IL1RAPL2: variants seen among roughly 807,000 people sequenced by gnomAD.
IL1RAPL2 encodes interleukin 1 receptor accessory protein like 2, also known as X-linked interleukin-1 receptor accessory protein-like 2.
In IL1RAPL2, 3 loss-of-function variants were observed where a neutral mutation model predicts 44.1. The observed-to-expected ratio is 0.07, with a 90% CI of 0.03 to 0.18. The LOEUF is 0.18. IL1RAPL2 is among the 10% of genes least tolerant of loss of function. The probability of loss-of-function intolerance (pLI) is 1.00; values close to 1 mark genes in which losing one functional copy is unlikely to be tolerated. For synonymous variants in IL1RAPL2, 181 were observed against 178.8 expected (o/e 1.01, Z -0.10); for missense variants, 391 against 496.4 (o/e 0.79, Z 2.02).
intron 6 of IL1RAPL2, among the ~76,000 whole-genome samples, chrX:105,592,304 T>A (rs2037178096): frequency 1.8e-5 from 2 of 112,116 alleles, no homozygotes; most frequent in Non-Finnish European, 3.8e-5. Context: ...TCCTTTTACT[T>A]TGAGTCTATG....
At chrX:105,510,103 A>G (rs1252935072) in intron 6 of IL1RAPL2, among the ~76,000 whole-genome samples, 1 of 111,481 alleles carries the variant, frequency 9.0e-6, no homozygotes, top group African/African-American at 3.3e-5. Flanking sequence ...GCTTAAGCCC[A>G]GGAGTTTGAG....
At chrX:104,879,969 G>C (rs765217872) in intron 2 of IL1RAPL2, among the ~76,000 whole-genome samples, 2 of 111,358 alleles carry the variant, frequency 1.8e-5, no homozygotes, top group Non-Finnish European at 3.8e-5. Flanking sequence ...CAATTAATTA[G>C]GGTAATGTGA....
intron 6 of IL1RAPL2, among the ~76,000 whole-genome samples, chrX:105,567,135 A>G (rs2036980582): frequency 9.0e-6 from 1 of 111,669 alleles, no homozygotes; most frequent in Admixed American, 9.6e-5. Context: ...TTCCTGTTAG[A>G]AAAAGAAATG....
At chrX:104,675,053 C>G (rs1433559605) in intron 2 of IL1RAPL2, among the ~76,000 whole-genome samples, 1 of 111,095 alleles carries the variant, frequency 9.0e-6, no homozygotes, top group Admixed American at 9.6e-5. Flanking sequence ...AAACCAGCTC[C>G]TGGATTCATT....
intron 5 of IL1RAPL2, among the ~76,000 whole-genome samples, chrX:105,482,186 C>T (rs1330199674): frequency 2.7e-5 from 3 of 111,620 alleles, no homozygotes; most frequent in Non-Finnish European, 5.7e-5. Flanking sequence ...TAACAAGGCT[C>T]CTACTATTAG....
intron 2 of IL1RAPL2, among the ~76,000 whole-genome samples, chrX:104,972,874 C>T (rs1257525467): frequency 8.9e-6 from 1 of 112,000 alleles, no homozygotes; most frequent in Non-Finnish European, 1.9e-5. Flanking sequence ...AGTGTTGATT[C>T]TTTTAAATAG....
chrX:105,004,760 G>T (rs1382118320), intron 2 of IL1RAPL2, among the ~76,000 whole-genome samples: 1 of 110,699 alleles, frequency 9.0e-6, no homozygotes. Context: ...GGATCTTGTG[G>T]TACCTCGATA....
At chrX:104,612,998 C>G (rs925314192) in intron 1 of IL1RAPL2, among the ~76,000 whole-genome samples, 1 of 111,406 alleles carries the variant, frequency 9.0e-6, no homozygotes, top group Non-Finnish European at 1.9e-5. Context: ...TATAGAAATG[C>G]TACTTATTTT....
chrX:104,747,859 G>T (rs1046127733), intron 2 of IL1RAPL2, among the ~76,000 whole-genome samples: 6 of 111,611 alleles, frequency 5.4e-5, no homozygotes, highest in Non-Finnish European at 9.4e-5. Context: ...CTTTTGAAAG[G>T]ACTTTAATTA....
chrX:105,426,839 A>G (rs1004030573), intron 5 of IL1RAPL2, among the ~76,000 whole-genome samples: 2 of 112,109 alleles, frequency 1.8e-5, no homozygotes, highest in Admixed American at 9.5e-5. Context: ...TGGCATGGCC[A>G]TGTACCCTCA....
chrX:105,192,666 G>A (rs183286035), intron 2 of IL1RAPL2, among the ~76,000 whole-genome samples: 66 of 111,379 alleles, frequency 5.9e-4, no homozygotes, highest in Admixed American at 2.7e-3. Flanking sequence ...TTGGTGGCAC[G>A]TAGGCATTCA....
chrX:105,130,312 A>G (rs1415031902), intron 2 of IL1RAPL2, among the ~76,000 whole-genome samples: 1 of 111,410 alleles, frequency 9.0e-6, no homozygotes, highest in East Asian at 2.8e-4. Flanking sequence ...GTAGATCAAG[A>G]TTTAGGGCCA....
chrX:105,317,942 A>G (rs1261701552), intron 5 of IL1RAPL2, among the ~76,000 whole-genome samples: 1 of 107,983 alleles, frequency 9.3e-6, no homozygotes, highest in Non-Finnish European at 1.9e-5. Context: ...ACATTTTACC[A>G]CTAAGAAGTA....
chrX:105,132,428 A>G (rs1398019287), intron 2 of IL1RAPL2, among the ~76,000 whole-genome samples: 1 of 111,147 alleles, frequency 9.0e-6, no homozygotes, highest in Non-Finnish European at 1.9e-5. Flanking sequence ...GGATCCTTAT[A>G]ATAATAATAG....
At chrX:105,733,825 GTT>G (rs771224805) in intron 7 of IL1RAPL2, among the ~76,000 whole-genome samples, 409 of 111,610 alleles carry the variant, frequency 3.7e-3, no homozygotes, top group Non-Finnish European at 6.0e-3. Context: ...GGTTCTGAAT[GTT>G]TGCTTTGTCT....
intron 2 of IL1RAPL2, among the ~76,000 whole-genome samples, chrX:105,036,692 A>G (rs369885917): frequency 8.0e-5 from 9 of 112,264 alleles, no homozygotes; most frequent in East Asian, 5.6e-4. Context: ...CTTGGTGTCA[A>G]TAACCCACAT....
At chrX:105,244,541 C>A (rs2034202935) in intron 4 of IL1RAPL2, among the ~76,000 whole-genome samples, 1 of 111,084 alleles carries the variant, frequency 9.0e-6, no homozygotes, top group Admixed American at 9.6e-5. Flanking sequence ...CTCAAAGAAA[C>A]TCAGAGAGCT....
chrX:104,883,852 G>A (rs187945529), intron 2 of IL1RAPL2, among the ~76,000 whole-genome samples: 2 of 111,618 alleles, frequency 1.8e-5, no homozygotes, highest in Non-Finnish European at 3.8e-5. Context: ...AGGATATGGG[G>A]AACCTCAGAA....
intron 6 of IL1RAPL2, among the ~76,000 whole-genome samples, chrX:105,556,080 T>C (rs1403374699): frequency 9.0e-6 from 1 of 111,567 alleles, no homozygotes; most frequent in East Asian, 2.8e-4. Context: ...CCAGAGGCAT[T>C]ATTTACTGTC....
Sources: allele counts gnomAD v4.1 joint callset (sites outside exome capture counted in the v4.1 genomes callset), GRCh38; gene constraint gnomAD v4.1.1; transcripts MANE v1.5; gene names NCBI Gene and HGNC (gene_info 2026-07-23, HGNC 2026-07-21).